The following CLNK variants were observed in gnomAD, a reference collection of about 807,000 sequenced individuals.
CLNK encodes the protein cytokine dependent hematopoietic cell linker.
A neutral mutation model predicts 68.6 loss-of-function variants in CLNK; 74 were observed. The observed-to-expected ratio is 1.08, with a 90% confidence interval of 0.89 to 1.31. The LOEUF is 1.31. Among genes scored for constraint, CLNK ranks in the 50% most tolerant of loss-of-function variants. The pLI, the probability that CLNK is intolerant of heterozygous loss-of-function variation, is 0.00. For synonymous variants in CLNK, 198 were observed against 172.2 expected (o/e 1.15, Z -1.17); for missense variants, 553 against 515.3 (o/e 1.07, Z -0.71).
the CLNK span, among the ~76,000 whole-genome samples, chr4:10,705,603 T>G: frequency 2.0e-4 from 30 of 152,344 alleles, no homozygotes; most frequent in African/African-American, 6.3e-4. Flanking sequence ...TTTCTCATGT[T>G]GTATCACTCT....
intron 5 of CLNK, among the ~76,000 whole-genome samples, chr4:10,566,878 T>C (rs1323187003): frequency 2.0e-5 from 3 of 151,902 alleles, no homozygotes; most frequent in Non-Finnish European, 2.9e-5. Context: ...GAGAATAAAA[T>C]ATATGGAAAT....
In CLNK at chr4:10,575,535, ACGT is replaced by A. The variant is rs373482296; in HGVS notation, c.113-3760_113-3758del. Among the ~76,000 whole-genome samples, 11 of 152,370 alleles carry A rather than the reference ACGT, an allele frequency of 7.2e-5. No homozygotes were observed. In the East Asian group the frequency reaches 1.9e-3, roughly 27 times the overall value. Reference sequence around the variant, plus strand: ...GTATGGCAGTGAGAATGCTGCACACACGTGCACACCAGGCCTGTCTCCTTTCCC... The same window carrying A: ...GTATGGCAGTGAGAATGCTGCACACAGCACACCAGGCCTGTCTCCTTTCCC... On this transcript the variant is annotated intron_variant, in intron 4 of 18. Transcript: ENST00000226951.
upstream of CLNK, among the ~76,000 whole-genome samples, chr4:10,688,948 T>TC (rs894924581): frequency 9.9e-5 from 15 of 151,916 alleles, no homozygotes; most frequent in Admixed American, 3.3e-4. Flanking sequence ...TCACCCAGTT[T>TC]CCCCCCGAGA....
At chr4:10,715,178 C>T in the CLNK span, among the ~76,000 whole-genome samples, 13 of 152,152 alleles carry the variant, frequency 8.5e-5, no homozygotes, top group Non-Finnish European at 1.0e-4. Context: ...TGTAGACCAG[C>T]AGCATTGAAA....
chr4:10,683,895 A>G (rs1362513801), intron 1 of CLNK, among the ~76,000 whole-genome samples: 3 of 152,216 alleles, frequency 2.0e-5, no homozygotes, highest in African/African-American at 7.2e-5. Context: ...GGTAATAGAC[A>G]AGTAATACTC....
intron 12 of CLNK, among the ~76,000 whole-genome samples, chr4:10,529,487 G>T (rs1718452357): frequency 1.3e-5 from 2 of 151,986 alleles, no homozygotes; most frequent in Non-Finnish European, 2.9e-5. Context: ...GAGAGGCATT[G>T]TATGCCTCCC....
At chr4:10,616,790 G>GTGTGTGTATATATA (rs1369047138) in intron 2 of CLNK, among the ~76,000 whole-genome samples, 16 of 64,382 alleles carry the variant, frequency 2.5e-4, no homozygotes, top group African/African-American at 6.7e-4. Flanking sequence ...GTGTGTGTGT[G>GTGTGTGTATATATA]TATATATATA....
At chr4:10,630,555 G>A (rs904951438) in intron 2 of CLNK, among the ~76,000 whole-genome samples, 4 of 152,142 alleles carry the variant, frequency 2.6e-5, no homozygotes, top group African/African-American at 7.2e-5. Flanking sequence ...AATTCTAGGA[G>A]GGGAAGAGCC....
intron 16 of CLNK, among the ~76,000 whole-genome samples, chr4:10,511,754 C>T (rs1717592601): frequency 6.6e-6 from 1 of 152,118 alleles, no homozygotes; most frequent in Non-Finnish European, 1.5e-5. Flanking sequence ...TTCTGTTTAT[C>T]CATTCATCTG....
rs144450538 is a variant in CLNK at position 10,537,398 on chromosome 4, A to C, written c.602+3096T>G. Reference sequence around the variant, plus strand: ...GAGGTTGAGTCAGGAGAATCAATTGAACCCGGGAGGCAGAGGTTGCAGTGA... The same window carrying C: ...GAGGTTGAGTCAGGAGAATCAATTGCACCCGGGAGGCAGAGGTTGCAGTGA... On this transcript the variant is annotated intron_variant, in intron 11 of 18. Coordinates refer to ENST00000226951, the MANE Select transcript of CLNK (RefSeq NM_052964.4). 1.5e-3 allele frequency among the ~76,000 whole-genome samples: 235 copies of C among 152,312 alleles called. 1 individual carries two copies. The highest frequency in any genetic ancestry group is 5.3e-3 in the African/African-American group (222 of 41,566).
intron 4 of CLNK, among the ~76,000 whole-genome samples, chr4:10,577,679 A>ATCAAT (rs1307500318): frequency 6.6e-6 from 1 of 151,940 alleles, no homozygotes; most frequent in Non-Finnish European, 1.5e-5. Flanking sequence ...GGCCAGTACA[A>ATCAAT]GGGAGGGAGC....
intron 7 of CLNK, among the ~76,000 whole-genome samples, chr4:10,562,101 C>CTTTTTTTT (rs11345903): frequency 7.7e-5 from 10 of 129,290 alleles, no homozygotes; most frequent in African/African-American, 1.5e-4. Flanking sequence ...TTTTTCTTTT[C>CTTTTTTTT]TTTTTTTTTT....
chr4:10,633,985 A>G (rs570976168), intron 2 of CLNK, among the ~76,000 whole-genome samples: 1 of 152,342 alleles, frequency 6.6e-6, no homozygotes, highest in Admixed American at 6.5e-5. Flanking sequence ...CATTTTACAG[A>G]CAAGGAAAAT....
At chr4:10,598,322 G>A (rs1464815269) in intron 2 of CLNK, among the ~76,000 whole-genome samples, 1 of 152,208 alleles carries the variant, frequency 6.6e-6, no homozygotes, top group Non-Finnish European at 1.5e-5. Context: ...ACAAGGATGT[G>A]GGCTGCCTCT....
At chr4:10,598,753 A>G (rs1721478066) in intron 2 of CLNK, 2 of 382,732 alleles carry the variant, frequency 5.2e-6, no homozygotes, top group South Asian at 3.8e-5. Context: ...CGTTTCCCAC[A>G]TTTTCCTTTC....
chr4:10,702,143 G>A, the CLNK span, among the ~76,000 whole-genome samples: 1 of 152,142 alleles, frequency 6.6e-6, no homozygotes, highest in Non-Finnish European at 1.5e-5. Context: ...ATACAGGAAT[G>A]GCATGATCTA....
chr4:10,662,312 G>T (rs114050886), intron 2 of CLNK, among the ~76,000 whole-genome samples: 1 of 152,166 alleles, frequency 6.6e-6, no homozygotes, highest in Non-Finnish European at 1.5e-5. Context: ...ATACAGGTTC[G>T]CCATGCTTGA....
intron 8 of CLNK, among the ~76,000 whole-genome samples, chr4:10,554,802 A>C (rs2108816394): frequency 6.6e-6 from 1 of 152,368 alleles, no homozygotes; most frequent in South Asian, 2.1e-4. Flanking sequence ...TGTGTTGCCA[A>C]GTTCTGCCAC....
intron 8 of CLNK, among the ~76,000 whole-genome samples, chr4:10,546,217 C>T (rs1719226267): frequency 1.3e-5 from 2 of 152,130 alleles, no homozygotes; most frequent in African/African-American, 4.8e-5. Context: ...CTGAGTTTTC[C>T]AAATTTATCC....
Sources: gnomAD v4.1 joint callset for allele counts (sites outside exome capture counted in the v4.1 genomes callset) on GRCh38, gnomAD v4.1.1 for gene constraint, MANE v1.5 for transcripts, NCBI Gene and HGNC (gene_info 2026-07-23, HGNC 2026-07-21) for gene names.